Variants in SRP14 observed in about 807,000 individuals in gnomAD.
SRP14 encodes the protein signal recognition particle 14 kDa protein.
A neutral mutation model predicts 16.0 loss-of-function variants in SRP14; 1 was observed. The ratio of observed to expected loss-of-function variants is 0.06; its 90% CI spans 0.02 to 0.30. The LOEUF (loss-of-function observed/expected upper bound fraction) is 0.30. Ranked by LOEUF, SRP14 falls within the 10% of genes least tolerant of loss-of-function variation. The pLI is 1.00. For synonymous variants in SRP14, 67 were observed against 60.1 expected (o/e 1.12, Z -0.53); for missense variants, 120 against 163.1 (o/e 0.74, Z 1.44).
At chr15:40,038,648 C>T (rs2035669100) in intron 2 of SRP14, 4 of 614,994 alleles carry the variant, frequency 6.5e-6, no homozygotes, top group Non-Finnish European at 8.6e-6. Flanking sequence ...TGACAAAGAG[C>T]CCTGGGCTGC....
In SRP14 at chr15:40,038,677, A is replaced by T. The variant is rs552193716; in HGVS notation, c.97+199T>A. ...GGGCTGCTTGGGGCCCATTGTTACC[A>T]GAAGCAACCTAGGCGGCTCAGTGCT... On this transcript the variant is annotated intron_variant, in intron 2 of 4. Coordinates refer to ENST00000267884, the MANE Select transcript of SRP14 (RefSeq NM_003134.6). 4.2e-5 allele frequency: 27 copies of T among 636,968 alleles called. No individual in the cohort carries two copies. In the South Asian group the frequency reaches 4.7e-4, roughly 11 times the overall value. The allele number at this position is 636,968 out of a possible 1,614,324, so 39.5% of individuals were successfully genotyped here.
chr15:40,038,202 AG>A, intron 3 of SRP14, 79 bp downstream of exon 3: 1 of 1,156,722 alleles, frequency 8.6e-7, no homozygotes, highest in East Asian at 2.3e-5. Context: ...AACAAATAAA[AG>A]CCTGGTTCAG....
At position 40,036,114 on chromosome 15, in the gene SRP14, G is replaced by A. The variant is rs868489633; in HGVS notation, c.*219C>T. On this transcript the variant is annotated 3_prime_UTR_variant, in exon 5 of 5. Coordinates refer to ENST00000267884, the MANE Select transcript of SRP14 (RefSeq NM_003134.6). ...ACAGAGACTTTTAATCTATAATCCAGGAGTATATAACCATGCAGCACAGAC... is the reference window on the plus strand; with the variant it reads ...ACAGAGACTTTTAATCTATAATCCAAGAGTATATAACCATGCAGCACAGAC... 5 of 681,982 alleles carry A rather than the reference G, an allele frequency of 7.3e-6. No individual in the cohort carries two copies. In the Middle Eastern group the frequency reaches 1.2e-3, roughly 169 times the overall value. 42.2% of individuals were successfully genotyped at this position (681,982 alleles called of 1,614,324 possible). A position where few individuals can be genotyped will look rare whatever the true frequency, so the allele number is the denominator to read the frequency against.
At chr15:40,037,510 C>T (rs866521364) in intron 3 of SRP14, among the ~76,000 whole-genome samples, 4 of 152,122 alleles carry the variant, frequency 2.6e-5, no homozygotes, top group Non-Finnish European at 5.9e-5. Flanking sequence ...TAAATTCTAC[C>T]TCTGAAGAAC....
intron 1 of SRP14, 21 bp from the exon 2 acceptor site, chr15:40,038,969 C>T (rs763587440): frequency 1.9e-6 from 3 of 1,608,628 alleles, no homozygotes; most frequent in South Asian, 2.2e-5. Flanking sequence ...ACAGGCCCAG[C>T]CCCGTTAGCC....
chr15:40,037,120 A>G (rs1216956565), intron 3 of SRP14, 102 bp from the exon 4 acceptor site: 1 of 1,365,430 alleles, frequency 7.3e-7, no homozygotes, highest in African/African-American at 1.5e-5. Context: ...CAATATCCTT[A>G]TCTTTAAAAT....
chr15:40,036,344 CTGTTGCTGCTGT>C lies in SRP14; in HGVS notation c.388_399del (p.Thr130_Thr133del), dbSNP rs780751258. On this transcript the variant is annotated inframe_deletion, in exon 5 of 5. Coordinates refer to ENST00000267884, the MANE Select transcript of SRP14 (RefSeq NM_003134.6). ...GAAATGTATGCCCTTTACTGTGCTGCTGTTGCTGCTGTTGTTGCTGCTGTTGTTGGTGCTGTT... is the reference window on the plus strand; with the variant it reads ...GAAATGTATGCCCTTTACTGTGCTGCTGTTGCTGCTGTTGTTGGTGCTGTT... 3.5e-5 allele frequency: 57 copies of C among 1,611,786 alleles called. No homozygotes were observed. The highest frequency in any genetic ancestry group is 1.8e-4 in the South Asian group (16 of 90,966).
At chr15:40,037,236 G>A in intron 3 of SRP14, 2 of 1,208,994 alleles carry the variant, frequency 1.7e-6, no homozygotes, top group African/African-American at 1.8e-5. Flanking sequence ...TTTTCCACAT[G>A]AGAATTGCAC....
chr15:40,036,762 T>C (rs1567014196), intron 4 of SRP14: 1 of 639,708 alleles, frequency 1.6e-6, no homozygotes, highest in East Asian at 2.7e-5. Flanking sequence ...AACTATAGTA[T>C]AGGTAGCATA....
chr15:40,038,732 T>C (rs943682934), intron 2 of SRP14, 144 bp downstream of exon 2: 2 of 862,906 alleles, frequency 2.3e-6, no homozygotes, highest in Non-Finnish European at 3.6e-6. Flanking sequence ...ATCCCTACTA[T>C]TTTCCGGGCC....
In SRP14 at chr15:40,038,404, A is replaced by G; in HGVS notation, c.98-10T>C. 6.3e-7 allele frequency: 1 copy of G among 1,586,542 alleles called. No individual in the cohort carries two copies. Among genetic ancestry groups the G allele is most frequent in the South Asian group, 1.1e-5 (1 of 90,572 alleles). On this transcript the variant is annotated splice_polypyrimidine_tract_variant and intron_variant, in intron 2 of 4. Coordinates refer to ENST00000267884, the MANE Select transcript of SRP14 (RefSeq NM_003134.6). ...TTGGTTCGACCGTCATCTGAAGGAA[A>G]AAATGCATCCTGGTGAACACGGCCG...
At position 40,036,390 on chromosome 15, in the gene SRP14, G is replaced by GGCAGGTGCTGCTGCT. The variant is rs1555424241; in HGVS notation, c.339_353dup (p.Pro117_Ala121dup). ...CTGTTGTTGGTGCTGTTGCTGCTGC[G>GGCAGGTGCTGCTGCT]GCAGGTGCTGCTGCTGCTGCTGCTG... On this transcript the variant is annotated inframe_insertion, in exon 5 of 5. Transcript: ENST00000267884. 6.2e-7 allele frequency: 1 copy of GGCAGGTGCTGCTGCT among 1,610,852 alleles called. No homozygotes were observed. Among genetic ancestry groups the GGCAGGTGCTGCTGCT allele is most frequent in the Non-Finnish European group, 8.5e-7 (1 of 1,179,470 alleles).
intron 2 of SRP14, 181 bp from the exon 3 acceptor site, chr15:40,038,575 G>A (rs1247705066): frequency 4.9e-6 from 3 of 612,058 alleles, no homozygotes; most frequent in African/African-American, 3.7e-5. Flanking sequence ...TTATTTCCAC[G>A]ACGGAAACAT....
At position 40,039,158 on chromosome 15, in the gene SRP14, C is replaced by A. The variant is rs753935966; in HGVS notation, c.-42G>T. 6.3e-7 allele frequency: 1 copy of A among 1,597,422 alleles called. No individual in the cohort carries two copies. The highest frequency in any genetic ancestry group is 1.1e-5 in the South Asian group (1 of 88,818). On this transcript the variant is annotated 5_prime_UTR_variant, in exon 1 of 5. Transcript: ENST00000267884. ...CGACTCCCTCCGCTTAAGCCCCTAG[C>A]AGTGAGAGCCGGAAGTTCGGCCTAG...
rs778184279 is a variant in SRP14, at chr15:40,036,315, G to A, written c.*18C>T. On this transcript the variant is annotated 3_prime_UTR_variant, in exon 5 of 5. Transcript: ENST00000267884. ...GCAATTCAGTGGTTAATTGGTGAAAGCAGGAAATGTATGCCCTTTACTGTG... is the reference window on the plus strand; with the variant it reads ...GCAATTCAGTGGTTAATTGGTGAAAACAGGAAATGTATGCCCTTTACTGTG... 1 of 1,611,458 alleles carries A rather than the reference G, an allele frequency of 6.2e-7. No individual in the cohort carries two copies. The highest frequency in any genetic ancestry group is 1.7e-5 in the Admixed American group (1 of 59,986).
At chr15:40,038,196 A>G in intron 3 of SRP14, 86 bp downstream of exon 3, 1 of 1,123,430 alleles carries the variant, frequency 8.9e-7, no homozygotes, top group Non-Finnish European at 1.3e-6. Flanking sequence ...GGGAAAAACA[A>G]ATAAAAGCCT....
chr15:40,038,133 A>C, intron 3 of SRP14, 149 bp downstream of exon 3: 1 of 647,120 alleles, frequency 1.5e-6, no homozygotes, highest in Non-Finnish European at 2.7e-6. Flanking sequence ...TGAGGTTTCC[A>C]CTACTAAAGT....
At chr15:40,037,491 AC>A in intron 3 of SRP14, 1 of 443,198 alleles carries the variant, frequency 2.3e-6, no homozygotes, top group Non-Finnish European at 3.3e-6. Context: ...AATGCGAGCT[AC>A]CACAAAATAA....
Position 40,039,154 on chromosome 15 carries a change from C to T in SRP14, c.-38G>A. 2 of 1,600,934 alleles carry T rather than the reference C, an allele frequency of 1.2e-6. No individual in the cohort carries two copies. Among genetic ancestry groups the T allele is most frequent in the Non-Finnish European group, 1.7e-6 (2 of 1,175,700 alleles). ...GGCTCGACTCCCTCCGCTTAAGCCC[C>T]TAGCAGTGAGAGCCGGAAGTTCGGC... On this transcript the variant is annotated 5_prime_UTR_variant, in exon 1 of 5. Transcript: ENST00000267884.
Sources: gnomAD v4.1 joint callset for allele counts (sites outside exome capture counted in the v4.1 genomes callset) on GRCh38, gnomAD v4.1.1 for gene constraint, MANE v1.5 for transcripts, NCBI Gene and HGNC (gene_info 2026-07-23, HGNC 2026-07-21) for gene names.